The following ZRANB1 variants were observed in gnomAD, a reference collection of about 807,000 sequenced individuals.
The protein encoded by ZRANB1 is ubiquitin thioesterase ZRANB1.
In ZRANB1, 16 loss-of-function variants were observed where a neutral mutation model predicts 80.5. That is an observed-to-expected ratio of 0.20 (90% CI 0.13 to 0.30). The LOEUF is 0.30. Ranked by LOEUF, ZRANB1 falls within the 10% of genes least tolerant of loss-of-function variation. The pLI, the probability that ZRANB1 is intolerant of heterozygous loss-of-function variation, is 1.00. For synonymous variants in ZRANB1, 291 were observed against 293.1 expected (o/e 0.99, Z 0.07); for missense variants, 576 against 862.6 (o/e 0.67, Z 4.16).
chr10:124,956,014 T>G (rs1951685246), intron 1 of ZRANB1, among the ~76,000 whole-genome samples: 1 of 152,236 alleles, frequency 6.6e-6, no homozygotes, highest in African/African-American at 2.4e-5. Context: ...TCTTCTTGGT[T>G]GCCTTTAGTA....
chr10:124,988,067 T>TG lies in ZRANB1; in HGVS notation c.*3076dup, dbSNP rs1442854968. ...CAGAACTCTAAAAGTTGAGCAACTTTGTTTTTTTTTGAATTGATTTAGCAC... is the reference window on the plus strand; with the variant it reads ...CAGAACTCTAAAAGTTGAGCAACTTTGGTTTTTTTTTGAATTGATTTAGCAC... On this transcript the variant is annotated 3_prime_UTR_variant, in exon 9 of 9. Coordinates refer to ENST00000359653, the MANE Select transcript of ZRANB1 (RefSeq NM_017580.3). 2 of 146,082 alleles carry TG rather than the reference T, an allele frequency of 1.4e-5. No individual in the cohort carries two copies. The highest frequency in any genetic ancestry group is 3.0e-5 in the Non-Finnish European group (2 of 66,588). 9.0% of individuals were successfully genotyped at this position (146,082 alleles called of 1,614,324 possible). A position where few individuals can be genotyped will look rare whatever the true frequency, so the allele number is the denominator to read the frequency against.
At chr10:124,943,545 G>GTGTGTA (rs1554936017) in intron 1 of ZRANB1, among the ~76,000 whole-genome samples, 1 of 149,674 alleles carries the variant, frequency 6.7e-6, no homozygotes, top group African/African-American at 2.4e-5. Flanking sequence ...GTGTGTGTGT[G>GTGTGTA]TATATATATA....
chr10:124,956,809 T>C (rs1390489131), intron 1 of ZRANB1, among the ~76,000 whole-genome samples: 1 of 152,210 alleles, frequency 6.6e-6, no homozygotes, highest in Non-Finnish European at 1.5e-5. Context: ...TCAAAACCTG[T>C]ATAAAGGTTA....
intron 2 of ZRANB1, among the ~76,000 whole-genome samples, chr10:124,969,147 C>G (rs1473450075): frequency 3.3e-5 from 5 of 152,232 alleles, no homozygotes; most frequent in Non-Finnish European, 7.3e-5. Flanking sequence ...TTACCCCCAA[C>G]AAGTGATCCA....
intron 2 of ZRANB1, among the ~76,000 whole-genome samples, chr10:124,970,833 G>GTTTTTTTT (rs34391929): frequency 5.9e-5 from 5 of 85,380 alleles, no homozygotes; most frequent in East Asian, 4.0e-4. Flanking sequence ...TCTCTTTGGG[G>GTTTTTTTT]TTTTTTTTTT....
At chr10:124,922,726 C>G in the ZRANB1 span, among the ~76,000 whole-genome samples, 2 of 151,092 alleles carry the variant, frequency 1.3e-5, no homozygotes, top group African/African-American at 2.4e-5. Context: ...GAACTGACCT[C>G]GTGATCTGCC....
At chr10:124,941,316 A>G (rs1951534732), upstream of ZRANB1, among the ~76,000 whole-genome samples, 1 of 152,122 alleles carries the variant, frequency 6.6e-6, no homozygotes, top group African/African-American at 2.4e-5. Context: ...AATCCTAGAA[A>G]TCTTTTAAGT....
chr10:124,983,220 A>G lies in ZRANB1; in HGVS notation c.1594A>G (p.Ile532Val). The change falls in exon 7 of 9, where the codon ATT (isoleucine) becomes GTT (valine). Residue 532 changes from isoleucine (I) to valine (V), a missense_variant. Transcript: ENST00000359653. This position sits in a 1 kb window ranked among gnomAD's most constrained non-coding sequence, Gnocchi z 6.2. ...EQTHIFVLAH[I>V]LRRPIIVYGV... is the part of the protein sequence containing the mutation. ...GACGCACATTTTTGTACTGGCACAT[A>G]TTCTTAGACGACCAATTATAGTTTA... is the stretch of plus-strand genomic sequence containing the variant. The G allele has an allele frequency of 6.2e-7, 1 of 1,614,178 alleles. No homozygotes were observed. Among genetic ancestry groups the G allele is most frequent in the Non-Finnish European group, 8.5e-7 (1 of 1,180,014 alleles).
At chr10:124,975,948 C>T (rs1255225341) in intron 5 of ZRANB1, among the ~76,000 whole-genome samples, 8 of 152,212 alleles carry the variant, frequency 5.3e-5, no homozygotes, top group African/African-American at 1.9e-4. Flanking sequence ...GAGGTTGCAG[C>T]GAGCCAAGAT....
chr10:124,964,109 G>T (rs1951758867), intron 1 of ZRANB1, among the ~76,000 whole-genome samples: 1 of 152,158 alleles, frequency 6.6e-6, no homozygotes, highest in Non-Finnish European at 1.5e-5. Context: ...AAGTGTTTTT[G>T]ATAATTTTGT....
At position 124,987,559 on chromosome 10, in the gene ZRANB1, T is replaced by TTGA. The variant is rs1952086672; in HGVS notation, c.*2571_*2573dup. ...TTTTCACGCATATTTCATTGCCTCTTTGATGAGTGGTTACGAAGACGTTAA... is the reference window on the plus strand; with the variant it reads ...TTTTCACGCATATTTCATTGCCTCTTTGATGATGAGTGGTTACGAAGACGTTAA... On this transcript the variant is annotated 3_prime_UTR_variant, in exon 9 of 9. Transcript: ENST00000359653. 1 of 152,138 alleles carries TTGA rather than the reference T, an allele frequency of 6.6e-6. No individual in the cohort carries two copies. Among genetic ancestry groups the TTGA allele is most frequent in the South Asian group, 2.1e-4 (1 of 4,830 alleles). The allele number at this position is 152,138 out of a possible 1,614,324, so 9.4% of individuals were successfully genotyped here.
intron 1 of ZRANB1, among the ~76,000 whole-genome samples, chr10:124,949,915 G>C (rs977583701): frequency 1.3e-5 from 2 of 152,154 alleles, no homozygotes; most frequent in Non-Finnish European, 2.9e-5. Context: ...TTGGGGTGAC[G>C]TGAAGTGCAC....
upstream of ZRANB1, among the ~76,000 whole-genome samples, chr10:124,940,851 C>T (rs1951529319): frequency 1.3e-5 from 2 of 152,080 alleles, no homozygotes; most frequent in South Asian, 2.1e-4. Context: ...GTGGCATGCA[C>T]CTGTAATCTC....
chr10:124,979,381 G>A (rs1951912197), intron 5 of ZRANB1, among the ~76,000 whole-genome samples: 1 of 152,140 alleles, frequency 6.6e-6, no homozygotes, highest in African/African-American at 2.4e-5. Context: ...TAAATGGATT[G>A]TCTTAATATT....
the ZRANB1 span, chr10:124,917,388 C>T: frequency 6.6e-6 from 1 of 150,894 alleles, no homozygotes; most frequent in Admixed American, 6.6e-5. Context: ...CAGGGGCGAC[C>T]GCGTCGCAGG....
the ZRANB1 span, among the ~76,000 whole-genome samples, chr10:124,924,077 C>CT: frequency 2.0e-4 from 30 of 148,498 alleles, no homozygotes; most frequent in East Asian, 5.9e-4. Context: ...TGGTCTCTTT[C>CT]TTTTTTTTTT....
chr10:124,919,404 G>A, the ZRANB1 span, among the ~76,000 whole-genome samples: 2 of 151,900 alleles, frequency 1.3e-5, no homozygotes, highest in Middle Eastern at 3.2e-3. Flanking sequence ...AAAATTTGCC[G>A]GGTATGGTGG....
At chr10:124,945,529 G>T (rs1418870829) in intron 1 of ZRANB1, 1 of 149,834 alleles carries the variant, frequency 6.7e-6, no homozygotes, top group Non-Finnish European at 1.5e-5. Context: ...CATTGTGACG[G>T]TTCTTAACCT....
chr10:124,942,004 C>A, upstream of ZRANB1: 1 of 316,074 alleles, frequency 3.2e-6, no homozygotes, highest in Non-Finnish European at 4.6e-6. Context: ...CTTCTGAATT[C>A]ATGAATCATA....
Sources: gnomAD v4.1 joint callset for allele counts (sites outside exome capture counted in the v4.1 genomes callset) on GRCh38, gnomAD v4.1.1 for gene constraint, Gnocchi (gnomAD v3.1) non-coding constraint, MANE v1.5 for transcripts, NCBI Gene and HGNC (gene_info 2026-07-23, HGNC 2026-07-21) for gene names.